Variants in AMOTL1 observed in about 807,000 individuals in gnomAD.
AMOTL1 encodes the protein angiomotin like 1.
AMOTL1 carries 45 observed loss-of-function variants against 102.9 expected under a neutral mutation model. That is an observed-to-expected ratio of 0.44 (90% CI 0.34 to 0.56). AMOTL1 has a LOEUF of 0.56. Among genes scored for constraint, AMOTL1 ranks in the 20% least tolerant of loss-of-function variants. The pLI is 0.01. For synonymous variants in AMOTL1, 481 were observed against 484.7 expected, an observed-to-expected ratio of 0.99 and a Z score of 0.10; for missense variants, 1,114 against 1,225.6, an observed-to-expected ratio of 0.91 and a Z score of 1.36.
At chr11:94,803,249 A>G (rs144781712) in intron 3 of AMOTL1, among the ~76,000 whole-genome samples, 2 of 152,376 alleles carry the variant, frequency 1.3e-5, no homozygotes, top group South Asian at 2.1e-4. Flanking sequence ...TTGACTCACC[A>G]TAGCTTACAA....
At chr11:94,794,990 A>G in intron 1 of AMOTL1, 21 bp from the exon 2 acceptor site, 1 of 1,598,286 alleles carries the variant, frequency 6.3e-7, no homozygotes, top group Non-Finnish European at 8.5e-7. Flanking sequence ...ACTCATATTC[A>G]CTTCGCTTTC....
chr11:94,864,523 C>T (rs899917146), intron 9 of AMOTL1, among the ~76,000 whole-genome samples: 1 of 152,132 alleles, frequency 6.6e-6, no homozygotes. Flanking sequence ...ATCACCTCTC[C>T]ACAAGCATTT....
intron 2 of AMOTL1, among the ~76,000 whole-genome samples, chr11:94,731,000 G>T (rs1460505816): frequency 6.6e-6 from 1 of 152,162 alleles, no homozygotes; most frequent in Non-Finnish European, 1.5e-5. Context: ...CAAAGGGGTG[G>T]CTAAAAACTC....
chr11:94,844,790 C>A (rs1318396873), intron 6 of AMOTL1, among the ~76,000 whole-genome samples: 3 of 152,206 alleles, frequency 2.0e-5, no homozygotes, highest in Non-Finnish European at 4.4e-5. Flanking sequence ...GTTTCTAACA[C>A]ATGAAATTTG....
At chr11:94,846,254 C>T (rs1952409230) in intron 6 of AMOTL1, among the ~76,000 whole-genome samples, 1 of 152,242 alleles carries the variant, frequency 6.6e-6, no homozygotes, top group Non-Finnish European at 1.5e-5. Flanking sequence ...GTCACATTGC[C>T]TTTGCCCATG....
chr11:94,735,254 T>A (rs1293051095), intron 2 of AMOTL1, among the ~76,000 whole-genome samples: 2 of 152,198 alleles, frequency 1.3e-5, no homozygotes, highest in Non-Finnish European at 2.9e-5. Context: ...GGTTCCCGGC[T>A]TACAGCTGGA....
Position 94,850,271 on chromosome 11 carries a change from C to A in AMOTL1, c.1794+12C>A. ...AGCTGGAAGAGGAGGTGAGACCAGG[C>A]TGTGGGGATTTGGTGGGGAAGAGGG... On this transcript the variant is annotated intron_variant, in intron 7 of 12. Transcript: ENST00000433060. 6.3e-7 allele frequency: 1 copy of A among 1,586,978 alleles called. No homozygotes were observed. The highest frequency in any genetic ancestry group is 2.3e-5 in the East Asian group (1 of 43,994).
At position 94,870,731 on chromosome 11, in the gene AMOTL1, G is replaced by C. The variant is rs146288412; in HGVS notation, c.2807G>C (p.Arg936Pro). ...GHGKSPDHRG[R>P]VSSLLHKPEF... is the part of the protein sequence containing the mutation. ...GGGAAGTCGCCTGACCACAGAGGCC[G>C]GGTCAGCAGCTTGCTGCACAAGCCC... Residue 936 changes from arginine (R) to proline (P), a missense_variant, in exon 13 of 13, where the codon CGG becomes CCG. Physicochemically the swap from Arg to Pro is moderately radical, Grantham distance 103. Transcript: ENST00000433060. 1.9e-6 allele frequency: 3 copies of C among 1,604,490 alleles called. No individual in the cohort carries two copies. The African/African-American group carries it at 4.0e-5, about 21-fold the overall frequency.
intron 3 of AMOTL1, 102 bp from the exon 4 acceptor site, chr11:94,821,428 C>G: frequency 7.9e-7 from 1 of 1,267,126 alleles, no homozygotes. Flanking sequence ...CACTGATGGC[C>G]TCTGACCATG....
At chr11:94,709,790 G>C (rs755016586) in intron 1 of AMOTL1, among the ~76,000 whole-genome samples, 3 of 152,072 alleles carry the variant, frequency 2.0e-5, no homozygotes, top group Non-Finnish European at 4.4e-5. Context: ...AACTAAGTTT[G>C]GGGGTGGTTT....
At chr11:94,715,795 G>T (rs78094037) in intron 1 of AMOTL1, among the ~76,000 whole-genome samples, 1 of 151,914 alleles carries the variant, frequency 6.6e-6, no homozygotes, top group Non-Finnish European at 1.5e-5. Flanking sequence ...GTTTTATTTC[G>T]TTTCAGTTTT....
chr11:94,794,514 G>A (rs1295513190), intron 1 of AMOTL1, among the ~76,000 whole-genome samples: 2 of 152,244 alleles, frequency 1.3e-5, no homozygotes, highest in African/African-American at 4.8e-5. Context: ...AAGTCTTTGA[G>A]TGGGGCAGAG....
chr11:94,778,493 C>T (rs904440821), intron 1 of AMOTL1, among the ~76,000 whole-genome samples: 1 of 152,200 alleles, frequency 6.6e-6, no homozygotes, highest in Non-Finnish European at 1.5e-5. Context: ...TACTTAACCT[C>T]TCTGTCAAGT....
At chr11:94,781,034 C>T (rs1263795553) in intron 1 of AMOTL1, among the ~76,000 whole-genome samples, 1 of 152,160 alleles carries the variant, frequency 6.6e-6, no homozygotes, top group Non-Finnish European at 1.5e-5. Flanking sequence ...ACATCCTTCC[C>T]TTTGTCCAGG....
chr11:94,840,681 T>TATATATATATACACAC (rs1166713705), intron 6 of AMOTL1, among the ~76,000 whole-genome samples: 7 of 104,786 alleles, frequency 6.7e-5, no homozygotes, highest in South Asian at 6.7e-4. Context: ...TATATATATA[T>TATATATATATACACAC]ACACACACAC....
At chr11:94,797,336 A>C (rs1012038687) in intron 2 of AMOTL1, among the ~76,000 whole-genome samples, 1 of 152,208 alleles carries the variant, frequency 6.6e-6, no homozygotes, top group African/African-American at 2.4e-5. Flanking sequence ...TTAATGCACT[A>C]CTTAATAGTC....
At chr11:94,842,496 T>C (rs760928716) in intron 6 of AMOTL1, among the ~76,000 whole-genome samples, 10 of 152,254 alleles carry the variant, frequency 6.6e-5, no homozygotes, top group Admixed American at 1.3e-4. Context: ...AGAATTTTGC[T>C]GCACAGCACT....
intron 6 of AMOTL1, among the ~76,000 whole-genome samples, chr11:94,839,252 T>G (rs1378911404): frequency 6.6e-6 from 1 of 152,210 alleles, no homozygotes; most frequent in Admixed American, 6.5e-5. Context: ...CCGGCTGTGG[T>G]CATTTAACAA....
At chr11:94,809,447 C>T (rs1951631694) in intron 3 of AMOTL1, among the ~76,000 whole-genome samples, 1 of 152,186 alleles carries the variant, frequency 6.6e-6, no homozygotes, top group Admixed American at 6.5e-5. Flanking sequence ...GACATCAGTC[C>T]AGAACCATGC....
Sources: allele counts gnomAD v4.1 joint callset (sites outside exome capture counted in the v4.1 genomes callset), GRCh38; gene constraint gnomAD v4.1.1; transcripts MANE v1.5; gene names NCBI Gene and HGNC (gene_info 2026-07-23, HGNC 2026-07-21).